PTPRS: variants seen among roughly 807,000 people sequenced by gnomAD.
PTPRS encodes the protein protein tyrosine phosphatase receptor type S, also known as receptor-type tyrosine-protein phosphatase S.
Under a neutral mutation model 215.3 loss-of-function variants are expected in PTPRS, and 63 were observed. The observed-to-expected ratio is 0.29, with a 90% CI of 0.24 to 0.36. PTPRS has a LOEUF of 0.36. Among genes scored for constraint, PTPRS ranks in the 10% least tolerant of loss-of-function variants. The pLI is 1.00. For missense variants in PTPRS, 2,258 were observed against 2,825.8 expected, an observed-to-expected ratio of 0.80 and a Z score of 4.56; for synonymous variants, 1,404 against 1,191.4, an observed-to-expected ratio of 1.18 and a Z score of -3.68.
chr19:5,211,229 T>C (rs1789144717), intron 33 of PTPRS, among the ~76,000 whole-genome samples: 1 of 152,166 alleles, frequency 6.6e-6, no homozygotes, highest in African/African-American at 2.4e-5. Flanking sequence ...GCTGGATTGT[T>C]CTCTGAGACA....
At chr19:5,267,499 A>G (rs1017589468) in intron 4 of PTPRS, among the ~76,000 whole-genome samples, 6 of 151,644 alleles carry the variant, frequency 4.0e-5, no homozygotes, top group African/African-American at 1.5e-4. Flanking sequence ...TCTACTAAAA[A>G]TACAGAAATT....
At chr19:5,311,616 GA>G (rs1191742967) in intron 1 of PTPRS, among the ~76,000 whole-genome samples, 11 of 152,160 alleles carry the variant, frequency 7.2e-5, no homozygotes, top group Non-Finnish European at 2.9e-5. Flanking sequence ...AGCAGCCAAG[GA>G]AAGAAAAAGA....
rs2043625169 is a variant in PTPRS at position 5,237,967 on chromosome 19, C to T, written c.1849+952G>A. On this transcript the variant is annotated intron_variant, in intron 13 of 37. Transcript: ENST00000262963. The surrounding 1 kb of genome is among the most constrained non-coding windows in gnomAD (Gnocchi z 4.2). ...CTGATCCGAGATGCCCCTGTGTACA[C>T]ACACCCAGGGCGGGCCTTGAAGGTT... 2.0e-5 allele frequency among the ~76,000 whole-genome samples: 3 copies of T among 152,146 alleles called. No individual in the cohort carries two copies. Among genetic ancestry groups the T allele is most frequent in the Admixed American group, 2.0e-4 (3 of 15,280 alleles).
intron 30 of PTPRS, among the ~76,000 whole-genome samples, chr19:5,213,902 C>CGGTT (rs1308699356): frequency 4.7e-4 from 72 of 152,220 alleles, no homozygotes; most frequent in Non-Finnish European, 1.5e-4. Context: ...CTATGGACAG[C>CGGTT]AGCCATCAGT....
intron 1 of PTPRS, among the ~76,000 whole-genome samples, chr19:5,334,316 G>T (rs2050424101): frequency 6.6e-6 from 1 of 152,226 alleles, no homozygotes; most frequent in Non-Finnish European, 1.5e-5. Context: ...TATCAGTGTA[G>T]CTCCCATGTT....
intron 1 of PTPRS, among the ~76,000 whole-genome samples, chr19:5,297,682 G>C (rs966913059): frequency 2.0e-5 from 3 of 152,122 alleles, no homozygotes; most frequent in Non-Finnish European, 4.4e-5. Flanking sequence ...TGGAGGAAGA[G>C]AGCAAATCAG....
At chr19:5,222,429 G>C (rs1253461955) in intron 18 of PTPRS, among the ~76,000 whole-genome samples, 2 of 149,092 alleles carry the variant, frequency 1.3e-5, no homozygotes, top group East Asian at 4.0e-4. Flanking sequence ...CACGGGTGCA[G>C]AGGCTGCAGA....
chr19:5,214,761 G>A (rs1199191138), intron 28 of PTPRS, 25 bp from the exon 29 acceptor site: 5 of 1,582,396 alleles, frequency 3.2e-6, no homozygotes, highest in Non-Finnish European at 4.3e-6. Context: ...AGAGGCCAGG[G>A]ATCTGTGGGG....
chr19:5,231,119 GC>G (rs1482651627), intron 14 of PTPRS, among the ~76,000 whole-genome samples, 190 bp downstream of exon 14: 2 of 152,188 alleles, frequency 1.3e-5, no homozygotes, highest in Admixed American at 1.3e-4. Context: ...AGCTAAGCCT[GC>G]CCATGTCTAG....
At chr19:5,268,991 T>C (rs2046670275) in intron 4 of PTPRS, among the ~76,000 whole-genome samples, 1 of 152,154 alleles carries the variant, frequency 6.6e-6, no homozygotes, top group African/African-American at 2.4e-5. Context: ...TGAAAGTGGC[T>C]CTGATTGGCT....
At chr19:5,318,267 G>C (rs1009032415) in intron 1 of PTPRS, among the ~76,000 whole-genome samples, 6 of 152,066 alleles carry the variant, frequency 3.9e-5, no homozygotes, top group Non-Finnish European at 8.8e-5. Context: ...CTTGAACCCA[G>C]GAGGCGGAGG....
chr19:5,222,159 C>T lies in PTPRS; in HGVS notation c.3165G>A (p.Glu1055=). Residue 1055 remains glutamate (E), a synonymous_variant, in exon 19 of 38, where the codon GAG becomes GAA. Transcript: ENST00000262963. The part of the protein sequence containing the change: ...IMKTSVLLSW[E]FPDNYNSPTP... Reference sequence around the variant, plus strand: ...TGGGTGAGTTGTAGTTGTCAGGGAACTCCCAGCTGAGCAGAACTGATGTCT... The same window carrying T: ...TGGGTGAGTTGTAGTTGTCAGGGAATTCCCAGCTGAGCAGAACTGATGTCT... 2 of 1,614,032 alleles carry T rather than the reference C, an allele frequency of 1.2e-6. No homozygotes were observed. Among genetic ancestry groups the T allele is most frequent in the Admixed American group, 1.7e-5 (1 of 60,022 alleles).
At chr19:5,218,284 T>C in intron 25 of PTPRS, 136 bp downstream of exon 25, 2 of 743,782 alleles carry the variant, frequency 2.7e-6, no homozygotes, top group Non-Finnish European at 4.6e-6. Flanking sequence ...TTGGAGGTAT[T>C]TGGGAATCCA....
intron 1 of PTPRS, among the ~76,000 whole-genome samples, chr19:5,288,677 G>A (rs2048563559): frequency 6.6e-6 from 1 of 152,200 alleles, no homozygotes; most frequent in Non-Finnish European, 1.5e-5. Context: ...AGCCTCTGGG[G>A]AAACTGAGGC....
At chr19:5,218,639 T>C in intron 24 of PTPRS, 107 bp from the exon 25 acceptor site, 5 of 1,512,668 alleles carry the variant, frequency 3.3e-6, no homozygotes, top group South Asian at 1.1e-5. Context: ...CATGGACCCG[T>C]ATGACTAGGG....
Position 5,246,564 on chromosome 19 carries a change from A to G in PTPRS, c.719-519T>C, listed in dbSNP as rs116866909. ...GGAGCGCTGGAAGATTCTGGCTGCC[A>G]AGTTTCGGGATGTGAGTGGGTTAGG... On this transcript the variant is annotated intron_variant, in intron 9 of 37. Transcript: ENST00000262963. Among the ~76,000 whole-genome samples, 1,148 of 152,262 alleles carry G rather than the reference A, an allele frequency of 7.5e-3. 8 individuals are homozygous for G. The highest frequency in any genetic ancestry group is 0.012 in the Non-Finnish European group (802 of 68,010).
At chr19:5,268,447 G>C (rs34727192) in intron 4 of PTPRS, among the ~76,000 whole-genome samples, 19,388 of 151,922 alleles carry the variant, frequency 0.13, 1,358 homozygotes, top group Non-Finnish European at 0.15. Flanking sequence ...CTCAGGGGTG[G>C]GTGGCCGTGG....
intron 6 of PTPRS, 110 bp downstream of exon 6, chr19:5,262,854 G>T: frequency 8.1e-7 from 1 of 1,230,248 alleles, no homozygotes; most frequent in Non-Finnish European, 1.2e-6. Flanking sequence ...GGCAGAGTGG[G>T]TCACAGTTAC....
In PTPRS at chr19:5,273,594, C is replaced by T; in HGVS notation, c.238-11G>A. ...ATCAAACTCAATCGTCTGCCATGGGCAGGGGAAAAAAGAACAGAGTGAGGC... is the reference window on the plus strand; with the variant it reads ...ATCAAACTCAATCGTCTGCCATGGGTAGGGGAAAAAAGAACAGAGTGAGGC... On this transcript the variant is annotated splice_polypyrimidine_tract_variant and intron_variant, in intron 3 of 37. Transcript: ENST00000262963. 6.2e-7 allele frequency: 1 copy of T among 1,613,884 alleles called. No individual in the cohort carries two copies. Among genetic ancestry groups the T allele is most frequent in the Non-Finnish European group, 8.5e-7 (1 of 1,179,942 alleles).
Sources: allele counts gnomAD v4.1 joint callset (sites outside exome capture counted in the v4.1 genomes callset), GRCh38; gene constraint gnomAD v4.1.1; non-coding constraint Gnocchi (gnomAD v3.1); transcripts MANE v1.5; gene names NCBI Gene and HGNC (gene_info 2026-07-23, HGNC 2026-07-21).